CNST: variants seen among roughly 807,000 people sequenced by gnomAD.
CNST encodes the protein consortin, connexin sorting protein, also known as consortin.
In CNST, 39 loss-of-function variants were observed where a neutral mutation model predicts 72.4. The ratio of observed to expected loss-of-function variants is 0.54; its 90% CI spans 0.42 to 0.70. The LOEUF is 0.70. Among genes scored for constraint, CNST ranks in the 30% least tolerant of loss-of-function variants. The probability of loss-of-function intolerance (pLI) is 0.00; values close to 1 mark genes in which losing one functional copy is unlikely to be tolerated. For missense variants in CNST, 871 were observed against 868.5 expected, an observed-to-expected ratio of 1.00 and a Z score of -0.04; for synonymous variants, 332 against 320.1, an observed-to-expected ratio of 1.04 and a Z score of -0.40.
intron 8 of CNST, among the ~76,000 whole-genome samples, chr1:246,642,445 A>G (rs1012899271): frequency 6.6e-6 from 1 of 152,072 alleles, no homozygotes; most frequent in African/African-American, 2.4e-5. Context: ...TGTTCTGTAA[A>G]TTTAGATATT....
intron 2 of CNST, chr1:246,608,124 C>T (rs539038272): frequency 1.3e-5 from 2 of 151,974 alleles, no homozygotes; most frequent in South Asian, 4.2e-4. Flanking sequence ...AAACAAAAAC[C>T]AGCCTGGAAA....
In CNST at chr1:246,591,734, A is replaced by G; in HGVS notation, c.172A>G (p.Met58Val). ...HEHLTSSDSA[M>V]GKPQVSEQDS... ...GCATCTGACCAGCAGTGACAGTGCG[A>G]TGGGAAAGCCCCAAGTGTCTGAGCA... is the stretch of plus-strand genomic sequence containing the variant. The change falls in exon 2 of 11, where the codon ATG becomes GTG. Residue 58 changes from methionine (M) to valine (V), a missense_variant. Physicochemically the swap from Met to Val is conservative, Grantham distance 21. Coordinates refer to ENST00000366513, the MANE Select transcript of CNST (RefSeq NM_152609.3). 1 of 1,614,204 alleles carries G rather than the reference A, an allele frequency of 6.2e-7. No individual in the cohort carries two copies. Among genetic ancestry groups the G allele is most frequent in the South Asian group, 1.1e-5 (1 of 91,084 alleles).
rs374341147 is a variant in CNST, at chr1:246,575,964, G to A, written c.-52+9301G>A. Among the ~76,000 whole-genome samples, 29 of 149,276 alleles carry A rather than the reference G, an allele frequency of 1.9e-4. No homozygotes were observed. The East Asian group carries it at 5.4e-3, about 28-fold the overall frequency. On this transcript the variant is annotated intron_variant, in intron 1 of 10. Coordinates refer to ENST00000366513, the MANE Select transcript of CNST (RefSeq NM_152609.3). ...GTGCTCTCTGGGCGCGGTGGCTCGCGCCTGTAACGCCTGTAATCCCAGCAC... is the reference window on the plus strand; with the variant it reads ...GTGCTCTCTGGGCGCGGTGGCTCGCACCTGTAACGCCTGTAATCCCAGCAC...
intron 8 of CNST, 103 bp downstream of exon 8, chr1:246,642,140 T>G (rs889305378): frequency 6.6e-6 from 4 of 609,522 alleles, no homozygotes; most frequent in Admixed American, 3.9e-5. Flanking sequence ...CTGGTTTTTT[T>G]TTTTTTTTTT....
intron 1 of CNST, among the ~76,000 whole-genome samples, chr1:246,580,540 G>T (rs941248916): frequency 2.0e-5 from 3 of 151,954 alleles, no homozygotes; most frequent in African/African-American, 7.3e-5. Flanking sequence ...ATTTTCAGAC[G>T]TTTCTTTCTA....
At chr1:246,639,117 GAGGT>G (rs1382233339) in intron 6 of CNST, among the ~76,000 whole-genome samples, 3 of 152,082 alleles carry the variant, frequency 2.0e-5, no homozygotes, top group African/African-American at 7.2e-5. Flanking sequence ...GCTGTTTAGA[GAGGT>G]AGGCAACAAT....
chr1:246,588,873 C>T (rs2103022108), intron 1 of CNST, among the ~76,000 whole-genome samples: 1 of 151,832 alleles, frequency 6.6e-6, no homozygotes, highest in Non-Finnish European at 1.5e-5. Context: ...ATTCACATAC[C>T]CAAGTTATTC....
intron 9 of CNST, among the ~76,000 whole-genome samples, chr1:246,654,180 C>T (rs1023285537): frequency 1.3e-5 from 2 of 152,198 alleles, no homozygotes; most frequent in African/African-American, 2.4e-5. Context: ...CATCTTCTGT[C>T]CTGGGGTCTC....
rs560869782 is a variant in CNST at position 246,621,937 on chromosome 1, T to A, written c.585+303T>A. 7.2e-5 allele frequency among the ~76,000 whole-genome samples: 11 copies of A among 152,244 alleles called. No individual in the cohort carries two copies. In the South Asian group the frequency reaches 2.3e-3, roughly 32 times the overall value. On this transcript the variant is annotated intron_variant, in intron 3 of 10. Coordinates refer to ENST00000366513, the MANE Select transcript of CNST (RefSeq NM_152609.3). ...TCAAGCCTGGGAGGCAAAGGTTGCA[T>A]TGAGCTGACATTGCACCACTGCACT... is the stretch of plus-strand genomic sequence containing the variant.
intron 9 of CNST, among the ~76,000 whole-genome samples, chr1:246,648,971 G>A (rs1323074485): frequency 6.6e-6 from 1 of 152,162 alleles, no homozygotes; most frequent in Non-Finnish European, 1.5e-5. Context: ...GGTAATTATA[G>A]CTGCTATATT....
At chr1:246,614,385 G>A (rs1220765291) in intron 2 of CNST, among the ~76,000 whole-genome samples, 4 of 152,068 alleles carry the variant, frequency 2.6e-5, no homozygotes, top group East Asian at 1.9e-4. Context: ...GGAGCATGTC[G>A]GATTTCAGAT....
At chr1:246,645,281 G>A (rs1665967373) in intron 8 of CNST, among the ~76,000 whole-genome samples, 1 of 128,698 alleles carries the variant, frequency 7.8e-6, no homozygotes. Context: ...TGTTTTTGGA[G>A]TCCAGGGTGA....
chr1:246,607,205 C>T (rs865829615), intron 2 of CNST: 7 of 151,692 alleles, frequency 4.6e-5, no homozygotes, highest in Admixed American at 2.6e-4. Flanking sequence ...TCCAGGTCGA[C>T]GGGCGTTCCT....
chr1:246,611,714 C>T (rs1464681635), intron 2 of CNST, among the ~76,000 whole-genome samples: 1 of 152,130 alleles, frequency 6.6e-6, no homozygotes, highest in African/African-American at 2.4e-5. Flanking sequence ...TTTAATCCAG[C>T]CATTAACTTC....
chr1:246,600,901 G>A (rs1662244924), intron 2 of CNST, among the ~76,000 whole-genome samples: 1 of 152,154 alleles, frequency 6.6e-6, no homozygotes, highest in Admixed American at 6.5e-5. Context: ...TTAATTGAGA[G>A]AATACATTGT....
chr1:246,660,409 G>A, intron 10 of CNST, 75 bp downstream of exon 10: 1 of 1,484,924 alleles, frequency 6.7e-7, no homozygotes, highest in Non-Finnish European at 9.2e-7. Flanking sequence ...TGAATGATGT[G>A]ACGTTTACTA....
chr1:246,653,403 G>T (rs1410012558), intron 9 of CNST, among the ~76,000 whole-genome samples: 1 of 152,224 alleles, frequency 6.6e-6, no homozygotes, highest in Admixed American at 6.5e-5. Flanking sequence ...CTGCTCTATG[G>T]ATCCGGAACA....
At chr1:246,601,951 G>A (rs2103039843) in intron 2 of CNST, among the ~76,000 whole-genome samples, 1 of 152,192 alleles carries the variant, frequency 6.6e-6, no homozygotes, top group South Asian at 2.1e-4. Context: ...ATTACCTCTT[G>A]GATATTCTGA....
intron 2 of CNST, among the ~76,000 whole-genome samples, chr1:246,614,867 A>T (rs1172050763): frequency 6.6e-6 from 1 of 152,152 alleles, no homozygotes; most frequent in Non-Finnish European, 1.5e-5. Context: ...TTTCCCAATC[A>T]TGCAAAGAAA....
Sources: gnomAD v4.1 joint callset for allele counts (sites outside exome capture counted in the v4.1 genomes callset) on GRCh38, gnomAD v4.1.1 for gene constraint, MANE v1.5 for transcripts, NCBI Gene and HGNC (gene_info 2026-07-23, HGNC 2026-07-21) for gene names.